Variants in DCDC1 observed in about 807,000 individuals in gnomAD.
DCDC1 encodes doublecortin domain containing 1, also known as doublecortin domain-containing protein 1.
A neutral mutation model predicts 178.3 loss-of-function variants in DCDC1; 200 were observed. The observed-to-expected ratio is 1.12, with a 90% CI of 1.00 to 1.26. DCDC1 has a LOEUF of 1.26. DCDC1 is among the 50% of genes most tolerant of loss of function. DCDC1 has a pLI of 0.00. For missense variants in DCDC1, 1,983 were observed against 1,749.2 expected (o/e 1.13, Z -2.38); for synonymous variants, 690 against 604.8 (o/e 1.14, Z -2.07).
At chr11:31,083,103 G>T (rs566875175) in intron 17 of DCDC1, among the ~76,000 whole-genome samples, 1 of 152,130 alleles carries the variant, frequency 6.6e-6, no homozygotes, top group South Asian at 2.1e-4. Flanking sequence ...TTAAAGCAGC[G>T]TGTGTTTTTA....
intron 28 of DCDC1, among the ~76,000 whole-genome samples, chr11:30,910,140 T>C (rs1008410319): frequency 6.6e-6 from 1 of 152,202 alleles, no homozygotes; most frequent in Non-Finnish European, 1.5e-5. Flanking sequence ...ACATGAACTT[T>C]AATATTTTCT....
At chr11:31,231,121 A>G (rs1442872986) in intron 9 of DCDC1, among the ~76,000 whole-genome samples, 1 of 151,748 alleles carries the variant, frequency 6.6e-6, no homozygotes, top group African/African-American at 2.4e-5. Flanking sequence ...GCACCATCAC[A>G]TCTGGCTAAA....
intron 20 of DCDC1, among the ~76,000 whole-genome samples, chr11:30,959,505 A>C (rs1948965451): frequency 6.6e-6 from 1 of 152,100 alleles, no homozygotes; most frequent in African/African-American, 2.4e-5. Context: ...AGCTTCCTTC[A>C]TACCCACTGA....
chr11:31,215,558 G>A (rs1201024048), intron 9 of DCDC1, among the ~76,000 whole-genome samples: 1 of 151,230 alleles, frequency 6.6e-6, no homozygotes, highest in Non-Finnish European at 1.5e-5. Flanking sequence ...ACTTTGGGAG[G>A]CCAAGGTGGG....
chr11:31,174,516 C>T (rs556608770), intron 9 of DCDC1, among the ~76,000 whole-genome samples: 150 of 152,222 alleles, frequency 9.9e-4, no homozygotes, highest in African/African-American at 3.1e-3. Context: ...AGGAGGCAGA[C>T]GGGCTTCTGA....
At chr11:30,983,158 TA>T (rs779219970) in intron 20 of DCDC1, among the ~76,000 whole-genome samples, 19 of 150,472 alleles carry the variant, frequency 1.3e-4, no homozygotes, top group East Asian at 3.9e-4. Flanking sequence ...CTTAACAAAA[TA>T]AAAAAAAAGG....
chr11:31,166,349 C>G (rs1966789500), intron 9 of DCDC1, among the ~76,000 whole-genome samples: 1 of 152,080 alleles, frequency 6.6e-6, no homozygotes, highest in Non-Finnish European at 1.5e-5. Context: ...TATTTCAATG[C>G]TGTGAAACAA....
rs551234767 is a variant in DCDC1 at position 31,251,829 on chromosome 11, A to C, written c.1055-10213T>G. On this transcript the variant is annotated intron_variant, in intron 8 of 38. Transcript: ENST00000684477. ...GAGAGAGAATCCAAGATAAGGAAAC[A>C]TGTGATAAGGTACTGGGGCATGAAG... Among the ~76,000 whole-genome samples, 3 of 152,240 alleles carry C rather than the reference A, an allele frequency of 2.0e-5. No homozygotes were observed. In the South Asian group the frequency reaches 6.2e-4, roughly 32 times the overall value.
At chr11:30,918,063 C>CCATCT (rs1945983066) in intron 25 of DCDC1, among the ~76,000 whole-genome samples, 1 of 151,956 alleles carries the variant, frequency 6.6e-6, no homozygotes, top group African/African-American at 2.4e-5. Flanking sequence ...AACAACAGCG[C>CCATCT]CATCTTGTGT....
intron 20 of DCDC1, among the ~76,000 whole-genome samples, chr11:30,983,688 T>G (rs1950498599): frequency 6.6e-6 from 1 of 152,236 alleles, no homozygotes; most frequent in African/African-American, 2.4e-5. Flanking sequence ...CAGCAGTGAC[T>G]AAGTTCAATT....
At chr11:30,911,092 A>G (rs941439008) in intron 28 of DCDC1, among the ~76,000 whole-genome samples, 4 of 152,174 alleles carry the variant, frequency 2.6e-5, no homozygotes, top group African/African-American at 9.7e-5. Context: ...TTCAGTAACT[A>G]GCATAGTGCC....
At chr11:31,148,720 A>C (rs1015939401) in intron 9 of DCDC1, among the ~76,000 whole-genome samples, 1 of 151,572 alleles carries the variant, frequency 6.6e-6, no homozygotes, top group Non-Finnish European at 1.5e-5. Context: ...AAAAAAGTTC[A>C]CGGTCTCTTT....
rs538199095 is a variant in DCDC1, at chr11:30,975,971, T to C, written c.2592-23403A>G. Among the ~76,000 whole-genome samples the C allele has an allele frequency of 2.6e-5, 4 of 152,124 alleles. No individual in the cohort carries two copies. The East Asian group carries it at 7.7e-4, about 29-fold the overall frequency. On this transcript the variant is annotated intron_variant, in intron 20 of 38. Coordinates refer to ENST00000684477, the MANE Select transcript of DCDC1 (RefSeq NM_001387274.1). ...CTGACTTCAAAATATATTACAAGGC[T>C]ACAGTGACAAAAATAACATGGAATT...
intron 9 of DCDC1, among the ~76,000 whole-genome samples, chr11:31,157,664 G>C (rs1203416164): frequency 6.6e-6 from 1 of 152,082 alleles, no homozygotes; most frequent in Non-Finnish European, 1.5e-5. Flanking sequence ...AAGCAGAATG[G>C]TGGTTGCCAG....
intron 9 of DCDC1, among the ~76,000 whole-genome samples, chr11:31,199,792 T>C (rs1971087912): frequency 6.6e-6 from 1 of 152,148 alleles, no homozygotes; most frequent in Admixed American, 6.6e-5. Context: ...GGTTTGGGTG[T>C]TTTGGTTTTT....
chr11:30,942,232 T>C (rs1207287383), intron 21 of DCDC1, among the ~76,000 whole-genome samples: 1 of 152,192 alleles, frequency 6.6e-6, no homozygotes, highest in African/African-American at 2.4e-5. Flanking sequence ...TTATTTGAAA[T>C]TGGCCTGTTG....
intron 8 of DCDC1, among the ~76,000 whole-genome samples, chr11:31,247,653 T>C (rs1476216527): frequency 6.6e-6 from 1 of 151,994 alleles, no homozygotes; most frequent in African/African-American, 2.4e-5. Flanking sequence ...TCCAATACGC[T>C]TTATGCCTCT....
intron 20 of DCDC1, among the ~76,000 whole-genome samples, chr11:31,055,220 A>G (rs1955507186): frequency 1.3e-5 from 2 of 152,288 alleles, no homozygotes; most frequent in South Asian, 4.1e-4. Context: ...ATGGCCAACA[A>G]ACATATGAAA....
At chr11:31,174,385 C>A (rs539194792) in intron 9 of DCDC1, among the ~76,000 whole-genome samples, 1 of 152,166 alleles carries the variant, frequency 6.6e-6, no homozygotes, top group Non-Finnish European at 1.5e-5. Context: ...CACCTTGGGC[C>A]CCTCTGGACT....
Sources: allele counts gnomAD v4.1 joint callset (sites outside exome capture counted in the v4.1 genomes callset), GRCh38; gene constraint gnomAD v4.1.1; transcripts MANE v1.5; gene names NCBI Gene and HGNC (gene_info 2026-07-23, HGNC 2026-07-21).